Variants in SRSF4 observed in about 807,000 individuals in gnomAD.
SRSF4 encodes serine/arginine-rich splicing factor 4.
SRSF4 carries 12 observed loss-of-function variants against 48.8 expected under a neutral mutation model. That is an observed-to-expected ratio of 0.25 (90% CI 0.16 to 0.40). The LOEUF is 0.40. Among genes scored for constraint, SRSF4 ranks in the 10% least tolerant of loss-of-function variants. The pLI is 1.00. For missense variants in SRSF4, 466 were observed against 667.1 expected (o/e 0.70, Z 3.32); for synonymous variants, 248 against 232.5 (o/e 1.07, Z -0.61).
intron 3 of SRSF4, 85 bp downstream of exon 3, chr1:29,159,289 G>T: frequency 1.2e-6 from 1 of 834,742 alleles, no homozygotes; most frequent in Non-Finnish European, 2.0e-6. Context: ...TGTATTTTGT[G>T]TATGCCTGGG....
At chr1:29,166,227 C>T (rs139328561) in intron 1 of SRSF4, among the ~76,000 whole-genome samples, 76 of 152,314 alleles carry the variant, frequency 5.0e-4, no homozygotes, top group African/African-American at 1.8e-3. Context: ...TGTTTCAAAG[C>T]ACTCAGTGAT....
intron 1 of SRSF4, chr1:29,165,787 C>T (rs191832902): frequency 1.3e-5 from 2 of 152,252 alleles, no homozygotes; most frequent in Non-Finnish European, 2.9e-5. Flanking sequence ...AGCCTCCATG[C>T]GTGTGACCGT....
chr1:29,160,435 G>A lies in SRSF4; in HGVS notation c.190C>T (p.Arg64Ter), dbSNP rs1327612462. 6.2e-7 allele frequency: 1 copy of A among 1,613,756 alleles called. No homozygotes were observed. Among genetic ancestry groups the A allele is most frequent in the Non-Finnish European group, 8.5e-7 (1 of 1,179,928 alleles). Reference protein sequence around the residue: ...ELNGKDLCGERVIVEHARGPR... With the variant: ...ELNGKDLCGE The stretch of plus-strand genomic sequence containing the variant: ...CCGCGGGCATGCTCAACAATTACTC[G>A]CTCACCACAAAGGTCTTTGCCATTC... Residue 64 changes from arginine to a stop codon, truncating the protein, a stop_gained, in exon 2 of 6, where the codon CGA becomes TGA. Transcript: ENST00000373795. LOFTEE classifies it high-confidence loss of function.
rs1672966425 is a variant in SRSF4, at chr1:29,181,824, G to GGCGGCA, written c.-78_-73dup. 7.9e-6 allele frequency: 10 copies of GGCGGCA among 1,266,974 alleles called. No homozygotes were observed. Among genetic ancestry groups the GGCGGCA allele is most frequent in the East Asian group, 6.1e-5 (2 of 32,932 alleles). The allele number at this position is 1,266,974 out of a possible 1,614,324, so 78.5% of individuals were successfully genotyped here. A position where few individuals can be genotyped will look rare whatever the true frequency, so the allele number is the denominator to read the frequency against. On this transcript the variant is annotated 5_prime_UTR_variant, in exon 1 of 6. Transcript: ENST00000373795. ...GCGGCGGCGGGCAAAGCGAGAGCAC[G>GGCGGCA]GCGGCAGCGGCGGCGGCGGCAACGG... is the stretch of plus-strand genomic sequence containing the variant.
At chr1:29,155,425 T>C (rs772872021) in intron 3 of SRSF4, among the ~76,000 whole-genome samples, 2 of 151,986 alleles carry the variant, frequency 1.3e-5, no homozygotes, top group Non-Finnish European at 2.9e-5. Context: ...AGCAAGACCC[T>C]ACCTCAAAAC....
intron 1 of SRSF4, chr1:29,169,479 G>C (rs1231398243): frequency 1.3e-5 from 2 of 152,240 alleles, no homozygotes; most frequent in Non-Finnish European, 2.9e-5. Flanking sequence ...ATTTCTGCAT[G>C]TGATGTGTGT....
chr1:29,152,067 C>A (rs1672419105), intron 4 of SRSF4, among the ~76,000 whole-genome samples: 2 of 152,086 alleles, frequency 1.3e-5, no homozygotes, highest in Non-Finnish European at 2.9e-5. Context: ...CGCTTGAACC[C>A]AGGAGTTCAA....
chr1:29,154,021 T>C (rs1672457541), intron 4 of SRSF4, among the ~76,000 whole-genome samples: 1 of 151,478 alleles, frequency 6.6e-6, no homozygotes, highest in Non-Finnish European at 1.5e-5. Flanking sequence ...CTCAGCCTCC[T>C]GGGTAGCTGG....
At chr1:29,164,934 A>T (rs1672648705) in intron 1 of SRSF4, among the ~76,000 whole-genome samples, 1 of 152,208 alleles carries the variant, frequency 6.6e-6, no homozygotes, top group Admixed American at 6.5e-5. Flanking sequence ...CGAAAATCCG[A>T]AACTTTCTGA....
At chr1:29,151,798 A>G (rs1323787893) in intron 4 of SRSF4, among the ~76,000 whole-genome samples, 1 of 152,244 alleles carries the variant, frequency 6.6e-6, no homozygotes, top group African/African-American at 2.4e-5. Context: ...GCAAAGTATC[A>G]TAATTTCTAC....
At chr1:29,150,013 G>T in intron 5 of SRSF4, 90 bp downstream of exon 5, 1 of 1,073,794 alleles carries the variant, frequency 9.3e-7, no homozygotes, top group Non-Finnish European at 1.4e-6. Flanking sequence ...GGGTGACAGA[G>T]TGTCTCTTTG....
chr1:29,175,694 C>CCAAAAAAAA (rs1672830738), intron 1 of SRSF4, among the ~76,000 whole-genome samples: 4 of 38,604 alleles, frequency 1.0e-4, no homozygotes, highest in East Asian at 1.3e-3. Context: ...GACGCTGTCT[C>CCAAAAAAAA]AAAAAAAAAA....
chr1:29,154,404 T>G (rs1672466766), intron 4 of SRSF4: 1 of 332,454 alleles, frequency 3.0e-6, no homozygotes, highest in Non-Finnish European at 5.5e-6. Context: ...ACCATATTGG[T>G]CAGGCTGGTC....
chr1:29,150,807 C>T (rs1056413191), intron 4 of SRSF4, among the ~76,000 whole-genome samples: 6 of 152,254 alleles, frequency 3.9e-5, no homozygotes, highest in East Asian at 1.9e-4. Context: ...TTGACTCCCC[C>T]GTCTTTCCCC....
At chr1:29,180,330 C>A (rs1385812783) in intron 1 of SRSF4, among the ~76,000 whole-genome samples, 2 of 152,198 alleles carry the variant, frequency 1.3e-5, no homozygotes, top group African/African-American at 2.4e-5. Flanking sequence ...TCCTTAAGAA[C>A]TGAACGTTTT....
chr1:29,165,721 G>T (rs1393334633), intron 1 of SRSF4, among the ~76,000 whole-genome samples: 1 of 152,224 alleles, frequency 6.6e-6, no homozygotes, highest in Non-Finnish European at 1.5e-5. Context: ...CATGACTAAG[G>T]GGGTGCTCAA....
At chr1:29,168,852 G>A (rs569463520) in intron 1 of SRSF4, 22 of 152,306 alleles carry the variant, frequency 1.4e-4, no homozygotes, top group Admixed American at 1.4e-3. Context: ...GCAAGGAATG[G>A]TGACTTGAAC....
chr1:29,164,262 T>C (rs987434677), intron 1 of SRSF4, among the ~76,000 whole-genome samples: 9 of 152,280 alleles, frequency 5.9e-5, no homozygotes, highest in Admixed American at 3.3e-4. Flanking sequence ...ATACCTTTTA[T>C]GTATGGGTCC....
chr1:29,169,956 C>G (rs1672724906), intron 1 of SRSF4: 2 of 152,222 alleles, frequency 1.3e-5, no homozygotes, highest in Non-Finnish European at 2.9e-5. Context: ...CTATTCAAAA[C>G]TTTCAAAAAT....
Sources: gnomAD v4.1 joint callset for allele counts (sites outside exome capture counted in the v4.1 genomes callset) on GRCh38, gnomAD v4.1.1 for gene constraint, MANE v1.5 for transcripts, NCBI Gene and HGNC (gene_info 2026-07-23, HGNC 2026-07-21) for gene names.